BRINP3: variants seen among roughly 807,000 people sequenced by gnomAD.
The protein encoded by BRINP3 is BMP/retinoic acid inducible neural specific 3, also known as BMP/retinoic acid-inducible neural-specific protein 3.
A neutral mutation model predicts 71.0 loss-of-function variants in BRINP3; 19 were observed. The observed-to-expected ratio is 0.27, with a 90% confidence interval of 0.19 to 0.39. The LOEUF (loss-of-function observed/expected upper bound fraction) is 0.39, where lower values mean the gene tolerates loss of function less well. Among genes scored for constraint, BRINP3 ranks in the 10% least tolerant of loss-of-function variants. The pLI, the probability that BRINP3 is intolerant of heterozygous loss-of-function variation, is 1.00. For synonymous variants in BRINP3, 380 were observed against 337.7 expected (o/e 1.13, Z -1.37); for missense variants, 959 against 940.8 (o/e 1.02, Z -0.25).
chr1:190,168,521 A>G (rs1651750803), intron 6 of BRINP3, among the ~76,000 whole-genome samples: 1 of 152,198 alleles, frequency 6.6e-6, no homozygotes, highest in Admixed American at 6.5e-5. Context: ...ACTGTAACCC[A>G]TAAGATGTTT....
At chr1:190,110,676 A>G (rs1652587741) in intron 7 of BRINP3, among the ~76,000 whole-genome samples, 1 of 152,166 alleles carries the variant, frequency 6.6e-6, no homozygotes, top group Admixed American at 6.5e-5. Flanking sequence ...CAGGCCTTCT[A>G]TTCAACCAGC....
intron 7 of BRINP3, among the ~76,000 whole-genome samples, chr1:190,135,602 G>A (rs943939957): frequency 1.3e-5 from 2 of 152,008 alleles, no homozygotes; most frequent in Non-Finnish European, 2.9e-5. Context: ...TGACAAATAT[G>A]TTTGTTTTTA....
chr1:190,405,022 A>C lies in BRINP3; in HGVS notation c.236+49633T>G, dbSNP rs539930215. The stretch of plus-strand genomic sequence containing the variant: ...AACCAAATATATTAAAAAATGAACC[A>C]AAAAGAAAGCGACTGTTCTTTAATT... On this transcript the variant is annotated intron_variant, in intron 2 of 7. Transcript: ENST00000367462. Among the ~76,000 whole-genome samples the C allele has an allele frequency of 6.7e-4, 102 of 152,332 alleles. 1 individual carries two copies. Among genetic ancestry groups the C allele is most frequent in the African/African-American group, 2.3e-3 (94 of 41,586 alleles).
chr1:190,447,903 A>C (rs555777492), intron 2 of BRINP3, among the ~76,000 whole-genome samples: 149 of 151,814 alleles, frequency 9.8e-4, no homozygotes, highest in African/African-American at 3.4e-3. Context: ...ACACATACTC[A>C]TCACAAAAAA....
At chr1:190,403,620 G>A (rs1282093536) in intron 2 of BRINP3, among the ~76,000 whole-genome samples, 2 of 152,146 alleles carry the variant, frequency 1.3e-5, no homozygotes, top group Non-Finnish European at 2.9e-5. Context: ...GATCGCATGA[G>A]GAATGAGTCA....
At chr1:190,417,982 T>A (rs941233641) in intron 2 of BRINP3, among the ~76,000 whole-genome samples, 6 of 152,164 alleles carry the variant, frequency 3.9e-5, no homozygotes, top group Admixed American at 2.0e-4. Flanking sequence ...CTCTATGAAT[T>A]TAGATAATTA....
At chr1:190,396,845 C>A (rs1671608790) in intron 2 of BRINP3, among the ~76,000 whole-genome samples, 1 of 149,354 alleles carries the variant, frequency 6.7e-6, no homozygotes, top group Non-Finnish European at 1.5e-5. Flanking sequence ...AAGAAAAGGA[C>A]AACCAAATTG....
intron 2 of BRINP3, among the ~76,000 whole-genome samples, chr1:190,448,237 T>C (rs1675359005): frequency 6.6e-6 from 1 of 151,668 alleles, no homozygotes; most frequent in African/African-American, 2.4e-5. Context: ...AGTTTTAAAT[T>C]TGCATTCTTA....
At position 190,150,961 on chromosome 1, in the gene BRINP3, C is replaced by T. The variant is rs547907639; in HGVS notation, c.1184+9707G>A. Among the ~76,000 whole-genome samples, 14 of 152,042 alleles carry T rather than the reference C, an allele frequency of 9.2e-5. No individual in the cohort carries two copies. The South Asian group carries it at 2.9e-3, about 32-fold the overall frequency. ...TGTGAGATAACAAGACCACCACATC[C>T]TCAGAATAGAAACCCTGTCTCTACC... is the stretch of plus-strand genomic sequence containing the variant. On this transcript the variant is annotated intron_variant, in intron 7 of 7. Transcript: ENST00000367462.
chr1:190,307,205 T>G (rs1665165336), intron 2 of BRINP3, among the ~76,000 whole-genome samples: 1 of 151,264 alleles, frequency 6.6e-6, no homozygotes, highest in South Asian at 2.1e-4. Context: ...TATTAAATAT[T>G]TTAAGTTTTT....
At position 190,477,547 on chromosome 1, in the gene BRINP3, G is replaced by A. The variant is rs1362718125; in HGVS notation, c.-150C>T. On this transcript the variant is annotated 5_prime_UTR_variant, in exon 1 of 8. Transcript: ENST00000367462. ...CCAAATCAAGGTAAAGTAGTGAGCT[G>A]CAGGGTAGTAGGACTTTAAAATAAT... The A allele has an allele frequency of 6.6e-6, 1 of 152,206 alleles. No individual in the cohort carries two copies. Among genetic ancestry groups the A allele is most frequent in the Non-Finnish European group, 1.5e-5 (1 of 68,046 alleles). The allele number at this position is 152,206 out of a possible 1,614,324, so 9.4% of individuals were successfully genotyped here. A position where few individuals can be genotyped will look rare whatever the true frequency, so the allele number is the denominator to read the frequency against.
At chr1:190,170,739 A>C (rs1282320451) in intron 6 of BRINP3, among the ~76,000 whole-genome samples, 2 of 152,186 alleles carry the variant, frequency 1.3e-5, no homozygotes, top group African/African-American at 4.8e-5. Flanking sequence ...AATGTGTGTA[A>C]ATTGCAGCTT....
At chr1:190,209,136 A>G (rs1355811495) in intron 6 of BRINP3, among the ~76,000 whole-genome samples, 1 of 152,162 alleles carries the variant, frequency 6.6e-6, no homozygotes, top group Non-Finnish European at 1.5e-5. Flanking sequence ...ATAAATTATA[A>G]TCACCAATCT....
chr1:190,201,784 T>C (rs1290170816), intron 6 of BRINP3, among the ~76,000 whole-genome samples: 1 of 152,224 alleles, frequency 6.6e-6, no homozygotes, highest in Non-Finnish European at 1.5e-5. Flanking sequence ...CCCATGGTTT[T>C]CGGCCTGTGA....
chr1:190,116,951 A>T (rs1557980922), intron 7 of BRINP3, among the ~76,000 whole-genome samples: 1 of 152,076 alleles, frequency 6.6e-6, no homozygotes, highest in East Asian at 1.9e-4. Context: ...TTCTCAACTT[A>T]AAAAGCTTAT....
intron 2 of BRINP3, among the ~76,000 whole-genome samples, chr1:190,349,151 C>A (rs1668209942): frequency 6.6e-6 from 1 of 152,016 alleles, no homozygotes; most frequent in African/African-American, 2.4e-5. Flanking sequence ...ATGTGAGGGA[C>A]AACTGACACC....
intron 4 of BRINP3, among the ~76,000 whole-genome samples, chr1:190,254,524 T>C (rs1260398009): frequency 6.6e-6 from 1 of 152,166 alleles, no homozygotes; most frequent in Non-Finnish European, 1.5e-5. Context: ...TATTTTATTC[T>C]CTTTTTAGCA....
chr1:190,254,451 A>G (rs1319002913), intron 4 of BRINP3, among the ~76,000 whole-genome samples: 1 of 151,900 alleles, frequency 6.6e-6, no homozygotes, highest in Non-Finnish European at 1.5e-5. Context: ...TATTTCGTTG[A>G]GCAGTGGTTT....
chr1:190,132,519 A>C (rs1053734670), intron 7 of BRINP3, among the ~76,000 whole-genome samples: 2 of 152,074 alleles, frequency 1.3e-5, no homozygotes, highest in African/African-American at 2.4e-5. Flanking sequence ...ATTTCTTCAG[A>C]GCATAAACGT....
Sources: gnomAD v4.1 joint callset for allele counts (sites outside exome capture counted in the v4.1 genomes callset) on GRCh38, gnomAD v4.1.1 for gene constraint, MANE v1.5 for transcripts, NCBI Gene and HGNC (gene_info 2026-07-23, HGNC 2026-07-21) for gene names.